TSHZ2: variants seen among roughly 807,000 people sequenced by gnomAD.
The protein encoded by TSHZ2 is teashirt zinc finger homeobox 2.
In TSHZ2, 21 loss-of-function variants were observed where a neutral mutation model predicts 74.4. The ratio of observed to expected loss-of-function variants is 0.28; its 90% CI spans 0.20 to 0.41. The LOEUF (loss-of-function observed/expected upper bound fraction) is 0.41, where lower values mean the gene tolerates loss of function less well. Among genes scored for constraint, TSHZ2 ranks in the 10% least tolerant of loss-of-function variants. The pLI, the probability that TSHZ2 is intolerant of heterozygous loss-of-function variation, is 1.00. For synonymous variants in TSHZ2, 540 were observed against 515.3 expected (o/e 1.05, Z -0.65); for missense variants, 1,244 against 1,293.5 (o/e 0.96, Z 0.59).
intron 1 of TSHZ2, among the ~76,000 whole-genome samples, chr20:53,049,601 A>G (rs1484058692): frequency 6.6e-6 from 1 of 152,120 alleles, no homozygotes; most frequent in African/African-American, 2.4e-5. Context: ...CTTGTGTCAT[A>G]TATGTCTTTG....
intron 2 of TSHZ2, among the ~76,000 whole-genome samples, chr20:53,443,122 C>T (rs973128799): frequency 6.6e-6 from 1 of 152,074 alleles, no homozygotes; most frequent in Non-Finnish European, 1.5e-5. Flanking sequence ...TCCAAAGAAG[C>T]GTCTTTACTG....
At chr20:53,231,671 T>G (rs1201373198) in intron 1 of TSHZ2, among the ~76,000 whole-genome samples, 1 of 152,164 alleles carries the variant, frequency 6.6e-6, no homozygotes, top group African/African-American at 2.4e-5. Flanking sequence ...TCTTTTTTTT[T>G]GGTCTTTAAG....
Position 52,989,623 on chromosome 20 carries a change from A to T in TSHZ2, c.40+16290A>T, listed in dbSNP as rs527401567. On this transcript the variant is annotated intron_variant, in intron 1 of 2. Transcript: ENST00000371497. ...TATTATGAGAAGTTAAAAAGGTGATACTTATTACATACTCAGAACAACGCT... is the reference window on the plus strand; with the variant it reads ...TATTATGAGAAGTTAAAAAGGTGATTCTTATTACATACTCAGAACAACGCT... Among the ~76,000 whole-genome samples, 4 of 152,286 alleles carry T rather than the reference A, an allele frequency of 2.6e-5. No individual in the cohort carries two copies. The East Asian group carries it at 5.8e-4, about 22-fold the overall frequency.
At chr20:53,461,014 C>T (rs1985340840) in intron 2 of TSHZ2, among the ~76,000 whole-genome samples, 1 of 152,216 alleles carries the variant, frequency 6.6e-6, no homozygotes, top group African/African-American at 2.4e-5. Flanking sequence ...GCCCTGCCCC[C>T]AGAGGTGGAG....
intron 2 of TSHZ2, chr20:53,421,642 G>T: frequency 5.4e-6 from 1 of 186,394 alleles, no homozygotes; most frequent in South Asian, 1.2e-4. Context: ...TGCCATTGCC[G>T]ACTGTGGACC....
intron 2 of TSHZ2, among the ~76,000 whole-genome samples, chr20:53,463,435 G>GAAGGAAGGAGGA (rs11283137): frequency 8.8e-6 from 1 of 114,254 alleles, no homozygotes; most frequent in South Asian, 3.4e-4. Context: ...AGGAAGGAAG[G>GAAGGAAGGAGGA]AGGGAGGGAG....
chr20:53,078,037 G>A (rs768863592), intron 1 of TSHZ2, among the ~76,000 whole-genome samples: 5 of 152,202 alleles, frequency 3.3e-5, no homozygotes, highest in Admixed American at 6.5e-5. Context: ...TACTGAATGC[G>A]TAGGCAGAGT....
chr20:53,427,438 T>C (rs140169589), intron 2 of TSHZ2, among the ~76,000 whole-genome samples: 224 of 142,804 alleles, frequency 1.6e-3, no homozygotes, highest in Non-Finnish European at 2.8e-3. Context: ...CACCCACCCC[T>C]GTCGACTTAA....
rs371581917 is a variant in TSHZ2, at chr20:53,038,792, CAT to C, written c.40+65462_40+65463del. Among the ~76,000 whole-genome samples, 17 of 151,342 alleles carry C rather than the reference CAT, an allele frequency of 1.1e-4. No individual in the cohort carries two copies. The South Asian group carries it at 1.7e-3, about 15-fold the overall frequency. ...TGTTATTGAGAGATACTCATGCAGACATATGTATTTGTTAGAATAGGTATTCT... is the reference window on the plus strand; with the variant it reads ...TGTTATTGAGAGATACTCATGCAGACATGTATTTGTTAGAATAGGTATTCT... On this transcript the variant is annotated intron_variant, in intron 1 of 2. Coordinates refer to ENST00000371497, the MANE Select transcript of TSHZ2 (RefSeq NM_173485.6).
In TSHZ2 at chr20:53,344,814, A is replaced by G. The variant is rs1189018937; in HGVS notation, c.*8+88243A>G. 2.0e-5 allele frequency among the ~76,000 whole-genome samples: 3 copies of G among 152,242 alleles called. No homozygotes were observed. In the East Asian group the frequency reaches 5.8e-4, roughly 29 times the overall value. On this transcript the variant is annotated intron_variant, in intron 2 of 2. Transcript: ENST00000371497. ...TTACAACCTTCACTTTCTCCCCTGC[A>G]CAATAGAACTTATGCCATGATAAAA...
At chr20:53,359,994 A>C (rs755772953) in intron 2 of TSHZ2, among the ~76,000 whole-genome samples, 1 of 152,228 alleles carries the variant, frequency 6.6e-6, no homozygotes. Flanking sequence ...TTGAAAGATT[A>C]TCAACTTGGC....
chr20:53,001,266 G>T (rs1982432843), intron 1 of TSHZ2, among the ~76,000 whole-genome samples: 2 of 151,200 alleles, frequency 1.3e-5, no homozygotes, highest in African/African-American at 4.9e-5. Flanking sequence ...TTGGGAGGGG[G>T]TGCTGATATT....
intron 2 of TSHZ2, among the ~76,000 whole-genome samples, chr20:53,365,584 A>G (rs1047672255): frequency 6.6e-6 from 1 of 152,232 alleles, no homozygotes; most frequent in African/African-American, 2.4e-5. Flanking sequence ...GACCAGCTAG[A>G]TGCTGGATCC....
intron 1 of TSHZ2, among the ~76,000 whole-genome samples, chr20:53,056,127 A>G (rs1984631710): frequency 6.6e-6 from 1 of 152,250 alleles, no homozygotes; most frequent in Non-Finnish European, 1.5e-5. Context: ...TACCTAGAAC[A>G]CAGTAAGTAC....
chr20:53,383,665 G>A (rs1002290774), intron 2 of TSHZ2, among the ~76,000 whole-genome samples: 24 of 152,182 alleles, frequency 1.6e-4, no homozygotes, highest in Admixed American at 1.3e-3. Flanking sequence ...GGAGGCTGAA[G>A]CAGGAGAATC....
intron 1 of TSHZ2, among the ~76,000 whole-genome samples, chr20:53,042,906 G>C (rs1307880639): frequency 2.0e-5 from 3 of 152,206 alleles, no homozygotes; most frequent in Non-Finnish European, 4.4e-5. Context: ...ATTGTTTATA[G>C]TAGGGAAAGC....
Position 53,362,351 on chromosome 20 carries a change from AT to A in TSHZ2, c.*8+105786del, listed in dbSNP as rs202179855. ...AGACGCCCGCCACCACGCCTGACTA[AT>A]TTTTTGTATTTTTGGTAGAGACGGG... On this transcript the variant is annotated intron_variant, in intron 2 of 2. Coordinates refer to ENST00000371497, the MANE Select transcript of TSHZ2 (RefSeq NM_173485.6). Among the ~76,000 whole-genome samples, 1,111 of 151,092 alleles carry A rather than the reference AT, an allele frequency of 7.4e-3. 28 individuals are homozygous for A. Among genetic ancestry groups the A allele is most frequent in the Admixed American group, 0.043 (644 of 15,148 alleles).
In TSHZ2 at chr20:53,255,188, C is replaced by T; in HGVS notation, c.1730C>T (p.Pro577Leu). 6.2e-7 allele frequency: 1 copy of T among 1,614,160 alleles called. No individual in the cohort carries two copies. The highest frequency in any genetic ancestry group is 8.5e-7 in the Non-Finnish European group (1 of 1,180,036). Residue 577 changes from proline to leucine, a missense_variant, in exon 2 of 3, where the codon CCC becomes CTC. Physicochemically the swap from Pro to Leu is moderately conservative, Grantham distance 98. Around this residue, in one of 6 missense-constraint regions of TSHZ2, gnomAD observed 562 missense variants for 544.0 expected, o/e 1.03. Coordinates refer to ENST00000371497, the MANE Select transcript of TSHZ2 (RefSeq NM_173485.6). The surrounding 1 kb of genome is among the most constrained non-coding windows in gnomAD (Gnocchi z 4.1). ...IRPNLTNKLR[P>L]IAPKWKVMPL... ...CCTAATCTCACCAACAAGCTGAGGC[C>T]CATTGCACCAAAGTGGAAAGTGATG...
intron 1 of TSHZ2, among the ~76,000 whole-genome samples, chr20:53,138,595 A>G (rs762370115): frequency 2.6e-5 from 4 of 152,000 alleles, no homozygotes; most frequent in Non-Finnish European, 5.9e-5. Context: ...AACCCCTGCC[A>G]ACATATTGTT....
Sources: gnomAD v4.1 joint callset for allele counts (sites outside exome capture counted in the v4.1 genomes callset) on GRCh38, gnomAD v4.1.1 for gene constraint, gnomAD v4.1.1 regional missense constraint, Gnocchi (gnomAD v3.1) non-coding constraint, MANE v1.5 for transcripts, NCBI Gene and HGNC (gene_info 2026-07-23, HGNC 2026-07-21) for gene names.